CDKAL1: variants seen among roughly 807,000 people sequenced by gnomAD.
CDKAL1 encodes the protein threonylcarbamoyladenosine tRNA methylthiotransferase.
Under a neutral mutation model 68.2 loss-of-function variants are expected in CDKAL1, and 32 were observed. The ratio of observed to expected loss-of-function variants is 0.47; its 90% CI spans 0.35 to 0.63. CDKAL1 has a LOEUF of 0.63. Among genes scored for constraint, CDKAL1 ranks in the 30% least tolerant of loss-of-function variants. The pLI is 0.00. For missense variants in CDKAL1, 606 were observed against 696.7 expected (o/e 0.87, Z 1.47); for synonymous variants, 234 against 244.3 (o/e 0.96, Z 0.39).
chr6:20,843,657 C>T (rs1778262744), intron 8 of CDKAL1, among the ~76,000 whole-genome samples: 1 of 152,120 alleles, frequency 6.6e-6, no homozygotes, highest in Admixed American at 6.5e-5. Flanking sequence ...CAACCCATCA[C>T]ATGAGGTCAG....
rs1184650814 is a variant in CDKAL1, at chr6:20,546,365, C to G, written c.15C>G (p.Ser5=). The change falls in exon 3 of 16, where the codon TCC becomes TCG. Residue 5 remains serine (S), a synonymous_variant. Transcript: ENST00000274695. ...TGGTAGAGAATATGCCTTCTGCATC[C>G]TGTGATACACTACTGGATGACATCG... The part of the protein sequence containing the change: MPSA[S]CDTLLDDIED... The G allele has an allele frequency of 6.2e-7, 1 of 1,612,062 alleles. No individual in the cohort carries two copies. The highest frequency in any genetic ancestry group is 1.7e-5 in the Admixed American group (1 of 59,700).
intron 7 of CDKAL1, among the ~76,000 whole-genome samples, chr6:20,773,292 T>C (rs549198026): frequency 1.1e-4 from 17 of 152,308 alleles, no homozygotes; most frequent in African/African-American, 3.4e-4. Flanking sequence ...CTTTTTTTCT[T>C]CTAAGAAGTA....
chr6:21,190,065 T>C (rs1055272401), intron 13 of CDKAL1, among the ~76,000 whole-genome samples: 1 of 152,020 alleles, frequency 6.6e-6, no homozygotes, highest in South Asian at 2.1e-4. Flanking sequence ...GCACAGACAC[T>C]AGAAATATTA....
At chr6:20,595,923 C>G (rs1164397069) in intron 4 of CDKAL1, among the ~76,000 whole-genome samples, 12 of 152,208 alleles carry the variant, frequency 7.9e-5, no homozygotes, top group Admixed American at 3.3e-4. Context: ...TTCTAACAGT[C>G]AGGACCCTCT....
chr6:21,003,255 C>T (rs1424237919), intron 11 of CDKAL1, among the ~76,000 whole-genome samples: 4 of 148,170 alleles, frequency 2.7e-5, no homozygotes, highest in Non-Finnish European at 1.5e-5. Flanking sequence ...CCTCTAATCC[C>T]AGCACTTTGG....
At chr6:21,187,061 T>C (rs1345905797) in intron 13 of CDKAL1, among the ~76,000 whole-genome samples, 1 of 152,248 alleles carries the variant, frequency 6.6e-6, no homozygotes, top group Non-Finnish European at 1.5e-5. Flanking sequence ...CTTTTATTCA[T>C]GTGAAATTTT....
At chr6:20,591,871 G>C (rs1443015776) in intron 4 of CDKAL1, among the ~76,000 whole-genome samples, 1 of 152,058 alleles carries the variant, frequency 6.6e-6, no homozygotes, top group African/African-American at 2.4e-5. Context: ...TTTGGTTCCA[G>C]ATGAAATTTA....
chr6:21,183,329 TC>T (rs1415319735), intron 13 of CDKAL1, among the ~76,000 whole-genome samples: 1 of 152,208 alleles, frequency 6.6e-6, no homozygotes, highest in Non-Finnish European at 1.5e-5. Context: ...CAGACAGGGT[TC>T]CTCCAGAGGG....
Position 20,797,683 on chromosome 6 carries a change from A to G in CDKAL1, c.638+16418A>G, listed in dbSNP as rs532821028. 2.0e-5 allele frequency among the ~76,000 whole-genome samples: 3 copies of G among 152,296 alleles called. No individual in the cohort carries two copies. In the East Asian group the frequency reaches 5.8e-4, roughly 29 times the overall value. On this transcript the variant is annotated intron_variant, in intron 8 of 15. Transcript: ENST00000274695. ...AAGGAATGAATGATTGACATCCCCAACATCTTGGATGGATGTAAAAAGCTT... is the reference window on the plus strand; with the variant it reads ...AAGGAATGAATGATTGACATCCCCAGCATCTTGGATGGATGTAAAAAGCTT...
At chr6:20,955,793 G>A (rs1338226578) in intron 10 of CDKAL1, among the ~76,000 whole-genome samples, 2 of 151,686 alleles carry the variant, frequency 1.3e-5, no homozygotes, top group East Asian at 1.9e-4. Context: ...AATTAACATT[G>A]CCCAAATTTT....
intron 8 of CDKAL1, among the ~76,000 whole-genome samples, chr6:20,793,762 GT>G (rs10684385): frequency 4.8e-5 from 7 of 144,654 alleles, no homozygotes; most frequent in African/African-American, 1.8e-4. Context: ...TTCAGGGATT[GT>G]TTTTTTTTAA....
chr6:20,874,754 T>G (rs113766783), intron 9 of CDKAL1, among the ~76,000 whole-genome samples: 16,020 of 151,836 alleles, frequency 0.11, 932 homozygotes, highest in African/African-American at 0.13. Flanking sequence ...CCGCCTACCT[T>G]GGCCTCCCAA....
At chr6:21,144,316 A>T (rs1391493100) in intron 13 of CDKAL1, among the ~76,000 whole-genome samples, 1 of 152,234 alleles carries the variant, frequency 6.6e-6, no homozygotes, top group African/African-American at 2.4e-5. Context: ...GAGCTTAGAC[A>T]TGCAAATGTT....
At chr6:20,793,593 A>T (rs1388996382) in intron 8 of CDKAL1, among the ~76,000 whole-genome samples, 2 of 152,062 alleles carry the variant, frequency 1.3e-5, no homozygotes, top group African/African-American at 4.8e-5. Context: ...TGTTTATCAA[A>T]TAATTTATCA....
At chr6:21,045,697 T>G (rs9460590) in intron 11 of CDKAL1, among the ~76,000 whole-genome samples, 46,597 of 152,122 alleles carry the variant, frequency 0.31, 7,442 homozygotes, top group African/African-American at 0.37. Flanking sequence ...CCTTTTCTAC[T>G]GTAAACTAGC....
intron 10 of CDKAL1, among the ~76,000 whole-genome samples, chr6:20,969,053 C>G (rs79234979): frequency 6.6e-6 from 1 of 152,054 alleles, no homozygotes; most frequent in Non-Finnish European, 1.5e-5. Context: ...CTCTGGAAAT[C>G]GGATTCTTCT....
intron 8 of CDKAL1, among the ~76,000 whole-genome samples, chr6:20,839,414 T>C (rs1778086722): frequency 6.6e-6 from 1 of 152,204 alleles, no homozygotes; most frequent in African/African-American, 2.4e-5. Flanking sequence ...AAATAACAAA[T>C]CGGTAGCCTA....
chr6:20,974,271 A>G (rs1390914007), intron 10 of CDKAL1, among the ~76,000 whole-genome samples: 1 of 152,248 alleles, frequency 6.6e-6, no homozygotes, highest in Non-Finnish European at 1.5e-5. Flanking sequence ...CAAAAGTAGC[A>G]GATCTCTTCT....
At position 20,798,917 on chromosome 6, in the gene CDKAL1, C is replaced by CA. The variant is rs200034795; in HGVS notation, c.638+17669dup. On this transcript the variant is annotated intron_variant, in intron 8 of 15. Coordinates refer to ENST00000274695, the MANE Select transcript of CDKAL1 (RefSeq NM_017774.3). ...CCCTAGAACTTAAAGTATAATAATA[C>CA]AAAAAAAAAAAAAAAAAGAAAAGAA... 7.2e-3 allele frequency among the ~76,000 whole-genome samples: 742 copies of CA among 103,124 alleles called. 8 individuals carry two copies. The highest frequency in any genetic ancestry group is 0.06 in the South Asian group (211 of 3,500). The allele number at this position is 103,124 out of a possible 152,430, so 67.7% of individuals were successfully genotyped here.
Sources: allele counts gnomAD v4.1 joint callset (sites outside exome capture counted in the v4.1 genomes callset), GRCh38; gene constraint gnomAD v4.1.1; transcripts MANE v1.5; gene names NCBI Gene and HGNC (gene_info 2026-07-23, HGNC 2026-07-21).